TTC31: variants seen among roughly 807,000 people sequenced by gnomAD.
TTC31 encodes the protein tetratricopeptide repeat domain 31, also known as tetratricopeptide repeat protein 31.
In TTC31, 59 loss-of-function variants were observed where a neutral mutation model predicts 60.4. That is an observed-to-expected ratio of 0.98 (90% CI 0.79 to 1.21). TTC31 has a LOEUF of 1.21. Ranked by LOEUF, TTC31 falls within the 50% of genes most tolerant of loss-of-function variation. The pLI is 0.00. For missense variants in TTC31, 672 were observed against 646.9 expected (o/e 1.04, Z -0.42); for synonymous variants, 225 against 249.6 (o/e 0.90, Z 0.93).
chr2:74,491,747 C>G, intron 8 of TTC31, 75 bp downstream of exon 8: 1 of 1,544,288 alleles, frequency 6.5e-7, no homozygotes, highest in Non-Finnish European at 8.8e-7. Context: ...GGCACAGGGT[C>G]TAAGGATTGA....
intron 8 of TTC31, 117 bp downstream of exon 8, chr2:74,491,789 G>A (rs1421936306): frequency 7.0e-7 from 1 of 1,431,798 alleles, no homozygotes; most frequent in Non-Finnish European, 9.6e-7. Flanking sequence ...TCTGGCTCTA[G>A]GGTCAAGAGA....
chr2:74,485,880 A>C (rs897507983), intron 2 of TTC31, among the ~76,000 whole-genome samples: 2 of 152,024 alleles, frequency 1.3e-5, no homozygotes, highest in South Asian at 2.1e-4. Context: ...CTGGGATTAC[A>C]GGCTTGAGCC....
In TTC31 at chr2:74,483,109, C is replaced by T. The variant is rs781775922; in HGVS notation, c.14C>T (p.Pro5Leu). ...ACTGTAGATGCGATGGCGCCGATTC[C>T]AAAGACTGTGGGGCGGATCAAGCTA... MAPIPKTVGRIKLDC... is the reference protein window; with the variant it reads MAPILKTVGRIKLDC... Residue 5 changes from proline (P) to leucine (L), a missense_variant, in exon 1 of 13, where the codon CCA becomes CTA. Physicochemically the swap from Pro to Leu is moderately conservative, Grantham distance 98 (BLOSUM62 -3). Transcript: ENST00000233623. The T allele has an allele frequency of 1.9e-6, 3 of 1,614,202 alleles. No individual in the cohort carries two copies. The South Asian group carries it at 3.3e-5, about 18-fold the overall frequency.
intron 2 of TTC31, among the ~76,000 whole-genome samples, chr2:74,487,279 C>T (rs1323337372): frequency 1.3e-5 from 2 of 151,890 alleles, no homozygotes; most frequent in Non-Finnish European, 2.9e-5. Context: ...AGTGCAGTGG[C>T]GAGATCTCGG....
rs756320863 is a variant in TTC31 at position 74,492,214 on chromosome 2, A to G, written c.1004A>G (p.Asn335Ser). Residue 335 changes from asparagine (N) to serine (S), a missense_variant, in exon 10 of 13, where the codon AAC (asparagine) becomes AGC (serine). Physicochemically the swap from Asn to Ser is conservative, Grantham distance 46. Coordinates refer to ENST00000233623, the MANE Select transcript of TTC31 (RefSeq NM_022492.6). ...VVLFTQALKL[N>S]PQDHRLFGNR... ...CTCTTCACCCAGGCCTTGAAGCTCA[A>G]CCCCCAGGACCACCGGTAGGTGGGG... 1.2e-6 allele frequency: 2 copies of G among 1,614,146 alleles called. No homozygotes were observed. Among genetic ancestry groups the G allele is most frequent in the Non-Finnish European group, 1.7e-6 (2 of 1,180,022 alleles).
chr2:74,484,772 G>A (rs1384235993), intron 2 of TTC31, among the ~76,000 whole-genome samples: 2 of 151,924 alleles, frequency 1.3e-5, no homozygotes, highest in Admixed American at 6.6e-5. Flanking sequence ...CAGGGTTTTC[G>A]AAGGAGGGAC....
At position 74,483,126 on chromosome 2, in the gene TTC31, A is replaced by T. The variant is rs373643480; in HGVS notation, c.31A>T (p.Ile11Phe). ...GCCGATTCCAAAGACTGTGGGGCGG[A>T]TCAAGCTAGGTGAGCGGTATGACAA... is the stretch of plus-strand genomic sequence containing the variant. MAPIPKTVGR[I>F]KLDCSLRPSC... The change falls in exon 1 of 13, where the codon ATC becomes TTC. Residue 11 changes from isoleucine (I) to phenylalanine (F), a missense_variant. Physicochemically the swap from Ile to Phe is conservative, Grantham distance 21 (BLOSUM62 0). Transcript: ENST00000233623. The T allele has an allele frequency of 5.0e-6, 8 of 1,614,188 alleles. No individual in the cohort carries two copies. The highest frequency in any genetic ancestry group is 6.8e-6 in the Non-Finnish European group (8 of 1,180,038).
rs1673959216 is a variant in TTC31, at chr2:74,492,032, T to TA, written c.906dup (p.Gln303ThrfsTer21). On this transcript the variant is annotated frameshift_variant, in exon 9 of 13. Transcript: ENST00000233623. LOFTEE classifies it high-confidence loss of function. The stretch of plus-strand genomic sequence containing the variant: ...TCTCCGGGACTGCTGGCAGCTGCCT[T>TA]ACAACAGAGCCAGGAACTGGCAAGT... 1 of 1,614,222 alleles carries TA rather than the reference T, an allele frequency of 6.2e-7. No homozygotes were observed.
In TTC31 at chr2:74,483,086, TG is replaced by T; in HGVS notation, c.-9del. 1 of 1,614,190 alleles carries T rather than the reference TG, an allele frequency of 6.2e-7. No homozygotes were observed. The highest frequency in any genetic ancestry group is 8.5e-7 in the Non-Finnish European group (1 of 1,180,042). ...AGACTACCTTTCATTTCCGGGTCAC[TG>T]TAGATGCGATGGCGCCGATTCCAAA... is the stretch of plus-strand genomic sequence containing the variant. On this transcript the variant is annotated 5_prime_UTR_variant, in exon 1 of 13. Transcript: ENST00000233623.
At chr2:74,483,640 G>A (rs1672717925) in intron 2 of TTC31, 5 of 1,377,100 alleles carry the variant, frequency 3.6e-6, no homozygotes, top group Non-Finnish European at 4.7e-6. Flanking sequence ...GAGCAGACAA[G>A]GGTCTCTGAG....
chr2:74,485,007 T>C (rs1672920650), intron 2 of TTC31, among the ~76,000 whole-genome samples: 1 of 151,660 alleles, frequency 6.6e-6, no homozygotes, highest in African/African-American at 2.4e-5. Flanking sequence ...AAACATTTAG[T>C]TAGTCACTAA....
At chr2:74,489,332 G>C (rs1389068414) in intron 2 of TTC31, among the ~76,000 whole-genome samples, 1 of 152,232 alleles carries the variant, frequency 6.6e-6, no homozygotes, top group Non-Finnish European at 1.5e-5. Flanking sequence ...AGGAGGGATT[G>C]GAGAGCAGCT....
At chr2:74,483,274 C>T in intron 1 of TTC31, 48 bp from the exon 2 acceptor site, 1 of 1,613,256 alleles carries the variant, frequency 6.2e-7, no homozygotes, top group South Asian at 1.1e-5. Context: ...GGACTCTAGC[C>T]CATCTGTCCC....
chr2:74,483,769 G>A (rs1319555244), intron 2 of TTC31: 5 of 402,614 alleles, frequency 1.2e-5, no homozygotes, highest in South Asian at 1.1e-4. Context: ...TTGAGCCCAG[G>A]AGTTAGAGAC....
At chr2:74,492,495 G>C in intron 11 of TTC31, 50 bp downstream of exon 11, 1 of 1,528,730 alleles carries the variant, frequency 6.5e-7, no homozygotes, top group Non-Finnish European at 8.8e-7. Flanking sequence ...GGATGGAGTG[G>C]GGAGAGGGTC....
intron 8 of TTC31, 52 bp downstream of exon 8, chr2:74,491,724 G>T (rs1421051189): frequency 1.3e-6 from 2 of 1,588,510 alleles, no homozygotes; most frequent in Non-Finnish European, 1.7e-6. Context: ...GGGGCACAAG[G>T]AGCTGCTGGG....
intron 1 of TTC31, 55 bp downstream of exon 1, chr2:74,483,190 T>C (rs1672634665): frequency 6.2e-7 from 1 of 1,613,612 alleles, no homozygotes; most frequent in Admixed American, 1.7e-5. Context: ...CAGCCCCTCT[T>C]GGGTCCACCT....
At chr2:74,484,763 A>C (rs1672891289) in intron 2 of TTC31, among the ~76,000 whole-genome samples, 1 of 151,934 alleles carries the variant, frequency 6.6e-6, no homozygotes, top group Admixed American at 6.6e-5. Flanking sequence ...GGTAGACAGC[A>C]GGGTTTTCGA....
chr2:74,493,508 A>C lies in TTC31; in HGVS notation c.*290A>C, dbSNP rs762375884. 4.2e-4 allele frequency: 148 copies of C among 352,892 alleles called. 2 individuals carry two copies. The highest frequency in any genetic ancestry group is 6.3e-4 in the Non-Finnish European group (122 of 193,228). The allele number at this position is 352,892 out of a possible 1,614,324, so 21.9% of individuals were successfully genotyped here. ...AGAAAAGTTCAGGTTTTTAGGCTAT[A>C]GCAGAGACAGTGAGAAAGCATCTGG... On this transcript the variant is annotated 3_prime_UTR_variant, in exon 13 of 13. Coordinates refer to ENST00000233623, the MANE Select transcript of TTC31 (RefSeq NM_022492.6).
Sources: gnomAD v4.1 joint callset for allele counts (sites outside exome capture counted in the v4.1 genomes callset) on GRCh38, gnomAD v4.1.1 for gene constraint, MANE v1.5 for transcripts, NCBI Gene and HGNC (gene_info 2026-07-23, HGNC 2026-07-21) for gene names.